Variants in DNAJC15 observed in about 807,000 individuals in gnomAD.
DNAJC15 encodes the protein DnaJ heat shock protein family (Hsp40) member C15.
Under a neutral mutation model 22.4 loss-of-function variants are expected in DNAJC15, and 27 were observed. That is an observed-to-expected ratio of 1.20 (90% CI 0.89 to 1.66). DNAJC15 has a LOEUF of 1.66. DNAJC15 is among the 40% of genes most tolerant of loss of function. DNAJC15 has a pLI of 0.00. For missense variants in DNAJC15, 208 were observed against 187.1 expected (o/e 1.11, Z -0.65); for synonymous variants, 79 against 63.2 (o/e 1.25, Z -1.19).
In DNAJC15 at chr13:43,041,021, C is replaced by A. The variant is rs142897738; in HGVS notation, c.108+17287C>A. 7.8e-3 allele frequency among the ~76,000 whole-genome samples: 1,194 copies of A among 152,314 alleles called. 13 individuals carry two copies. The highest frequency in any genetic ancestry group is 0.027 in the African/African-American group (1,140 of 41,564). Reference sequence around the variant, plus strand: ...GAGATGGGCAGGAGACAGATGCCTTCCTCATGTCTCAACTGCAAAGAGGCG... The same window carrying A: ...GAGATGGGCAGGAGACAGATGCCTTACTCATGTCTCAACTGCAAAGAGGCG... On this transcript the variant is annotated intron_variant, in intron 1 of 5. Transcript: ENST00000379221.
chr13:43,087,957 A>C (rs1360201893), intron 5 of DNAJC15, among the ~76,000 whole-genome samples: 2 of 152,218 alleles, frequency 1.3e-5, no homozygotes, highest in African/African-American at 4.8e-5. Flanking sequence ...TCCTTGATCT[A>C]ATGCTTTCAA....
At chr13:43,056,703 G>T (rs1017159976) in intron 1 of DNAJC15, among the ~76,000 whole-genome samples, 14 of 152,040 alleles carry the variant, frequency 9.2e-5, no homozygotes, top group African/African-American at 3.1e-4. Flanking sequence ...CCAGTGTTAG[G>T]TACATATATA....
At chr13:43,075,634 G>GA (rs2040629980) in intron 3 of DNAJC15, among the ~76,000 whole-genome samples, 1 of 143,842 alleles carries the variant, frequency 7.0e-6, no homozygotes, top group Non-Finnish European at 1.5e-5. Flanking sequence ...TTGGTTTCCT[G>GA]AAAGAAACCT....
At chr13:43,068,154 T>C (rs2040592263) in intron 2 of DNAJC15, among the ~76,000 whole-genome samples, 1 of 152,138 alleles carries the variant, frequency 6.6e-6, no homozygotes, top group South Asian at 2.1e-4. Flanking sequence ...ACTGGTTTTC[T>C]AGCAAGACTC....
chr13:43,070,998 C>T (rs2153441048), intron 3 of DNAJC15, among the ~76,000 whole-genome samples: 1 of 152,158 alleles, frequency 6.6e-6, no homozygotes, highest in Non-Finnish European at 1.5e-5. Context: ...TAAATGAATT[C>T]TATTTATATA....
At chr13:43,085,669 A>G in intron 4 of DNAJC15, 99 bp from the exon 5 acceptor site, 1 of 870,024 alleles carries the variant, frequency 1.1e-6, no homozygotes, top group Admixed American at 2.8e-5. Context: ...AGATGGTGAA[A>G]TTCTCATTAG....
At chr13:43,035,980 G>T (rs2040427109) in intron 1 of DNAJC15, among the ~76,000 whole-genome samples, 1 of 152,038 alleles carries the variant, frequency 6.6e-6, no homozygotes, top group Non-Finnish European at 1.5e-5. Flanking sequence ...TCCCACCTCT[G>T]CTTCTCAAAG....
intron 1 of DNAJC15, among the ~76,000 whole-genome samples, chr13:43,061,270 G>A (rs2040557709): frequency 6.6e-6 from 1 of 152,158 alleles, no homozygotes; most frequent in African/African-American, 2.4e-5. Context: ...TGGGGGAGTG[G>A]GTGGGAGTGG....
At chr13:43,103,219 T>C (rs2153442338) in intron 5 of DNAJC15, among the ~76,000 whole-genome samples, 1 of 152,332 alleles carries the variant, frequency 6.6e-6, no homozygotes, top group African/African-American at 2.4e-5. Context: ...AATTCTACTA[T>C]GGTCAGCTAA....
chr13:43,029,875 C>T (rs1271373025), intron 1 of DNAJC15, among the ~76,000 whole-genome samples: 3 of 152,208 alleles, frequency 2.0e-5, no homozygotes, highest in African/African-American at 7.2e-5. Flanking sequence ...CACATGGTTG[C>T]TCTGCCTCAT....
Position 43,028,577 on chromosome 13 carries a change from T to G in DNAJC15, c.108+4843T>G, listed in dbSNP as rs147953281. Among the ~76,000 whole-genome samples the G allele has an allele frequency of 1.2e-4, 18 of 152,336 alleles. No homozygotes were observed. The East Asian group carries it at 1.9e-3, about 16-fold the overall frequency. On this transcript the variant is annotated intron_variant, in intron 1 of 5. Coordinates refer to ENST00000379221, the MANE Select transcript of DNAJC15 (RefSeq NM_013238.3). The stretch of plus-strand genomic sequence containing the variant: ...TATGAGTTTAACATGATCTAAACCT[T>G]TCTTAGGATCTTACACAGGACTCTT...
At chr13:43,032,583 G>A (rs1299735683) in intron 1 of DNAJC15, among the ~76,000 whole-genome samples, 1 of 152,166 alleles carries the variant, frequency 6.6e-6, no homozygotes, top group Non-Finnish European at 1.5e-5. Context: ...TGGCACTTTG[G>A]GAGGCCAAGG....
chr13:43,093,857 C>T (rs1476018113), intron 5 of DNAJC15, among the ~76,000 whole-genome samples: 1 of 152,100 alleles, frequency 6.6e-6, no homozygotes, highest in Non-Finnish European at 1.5e-5. Context: ...AGTAAAGTGA[C>T]ATTGTTTTAC....
At chr13:43,032,563 C>T (rs889551826) in intron 1 of DNAJC15, among the ~76,000 whole-genome samples, 1 of 152,176 alleles carries the variant, frequency 6.6e-6, no homozygotes, top group African/African-American at 2.4e-5. Flanking sequence ...GTGGCTCACG[C>T]TTGTAATCCT....
intron 1 of DNAJC15, among the ~76,000 whole-genome samples, chr13:43,034,218 T>A (rs2040416973): frequency 6.7e-6 from 1 of 148,618 alleles, no homozygotes; most frequent in African/African-American, 2.6e-5. Context: ...AGCCCACATT[T>A]AAGGAGTAGA....
At chr13:43,038,839 A>G (rs1021456697) in intron 1 of DNAJC15, among the ~76,000 whole-genome samples, 2 of 151,616 alleles carry the variant, frequency 1.3e-5, no homozygotes, top group African/African-American at 4.8e-5. Context: ...CACTGGGGGA[A>G]GGGAGACCAA....
chr13:43,072,824 A>AGCCTATAATCCCAGCCTAT (rs1419618650), intron 3 of DNAJC15, among the ~76,000 whole-genome samples: 4 of 152,208 alleles, frequency 2.6e-5, no homozygotes, highest in African/African-American at 9.7e-5. Flanking sequence ...TCAACCTCCC[A>AGCCTATAATCCCAGCCTAT]AATTGCTGGG....
chr13:43,097,127 A>G (rs1480718222), intron 5 of DNAJC15, among the ~76,000 whole-genome samples: 1 of 152,228 alleles, frequency 6.6e-6, no homozygotes, highest in Admixed American at 6.5e-5. Flanking sequence ...GCTTTGAAGA[A>G]AAAGCAGAGC....
At chr13:43,065,647 A>T (rs781501464) in intron 1 of DNAJC15, 39 bp from the exon 2 acceptor site, 13 of 1,516,708 alleles carry the variant, frequency 8.6e-6, no homozygotes, top group Non-Finnish European at 1.1e-5. Flanking sequence ...AAAACCCAGC[A>T]TGTTACATCA....
Sources: gnomAD v4.1 joint callset for allele counts (sites outside exome capture counted in the v4.1 genomes callset) on GRCh38, gnomAD v4.1.1 for gene constraint, MANE v1.5 for transcripts, NCBI Gene and HGNC (gene_info 2026-07-23, HGNC 2026-07-21) for gene names.